Variants in CDH23 observed in about 807,000 individuals in gnomAD.
CDH23 encodes cadherin related 23, also known as cadherin-23.
CDH23 carries 189 observed loss-of-function variants against 317.1 expected under a neutral mutation model. The observed-to-expected ratio is 0.60, with a 90% CI of 0.53 to 0.67. The LOEUF is 0.67. Ranked by LOEUF, CDH23 falls within the 30% of genes least tolerant of loss-of-function variation. CDH23 has a pLI of 0.00. For synonymous variants in CDH23, 1,839 were observed against 1,876.8 expected, an observed-to-expected ratio of 0.98 and a Z score of 0.52; for missense variants, 4,401 against 4,592.4, an observed-to-expected ratio of 0.96 and a Z score of 1.20.
At chr10:71,495,831 A>AGGAAGGAAGGAAGGAAGGAAGGAAG (rs1564615558) in intron 3 of CDH23, among the ~76,000 whole-genome samples, 2 of 148,434 alleles carry the variant, frequency 1.3e-5, no homozygotes, top group African/African-American at 5.2e-5. Flanking sequence ...AAAGAAAGAA[A>AGGAAGGAAGGAAGGAAGGAAGGAAG]GAAAGAAAGA....
At chr10:71,686,905 C>T (rs909746203) in intron 18 of CDH23, among the ~76,000 whole-genome samples, 3 of 152,238 alleles carry the variant, frequency 2.0e-5, no homozygotes, top group African/African-American at 2.4e-5. Flanking sequence ...GGAAGGGCCG[C>T]GGTGTGAAGG....
intron 3 of CDH23, among the ~76,000 whole-genome samples, chr10:71,487,632 G>A (rs1285902650): frequency 6.6e-6 from 1 of 152,108 alleles, no homozygotes; most frequent in Non-Finnish European, 1.5e-5. Context: ...TAAATCATTT[G>A]GTGGGGTGGG....
rs903624225 is a variant in CDH23, at chr10:71,645,732, C to T, written c.1141-99C>T. On this transcript the variant is annotated intron_variant, in intron 12 of 69. Coordinates refer to ENST00000224721, the MANE Select transcript of CDH23 (RefSeq NM_022124.6). The stretch of plus-strand genomic sequence containing the variant: ...TCATCCATTGCCCCAACCAAAGCAG[C>T]TCTGGGCTCACTCTCCAGGAGCCTC... 5.0e-6 allele frequency: 7 copies of T among 1,393,882 alleles called. No homozygotes were observed. The African/African-American group carries it at 9.9e-5, about 20-fold the overall frequency. 86.3% of individuals were successfully genotyped at this position (1,393,882 alleles called of 1,614,324 possible).
intron 3 of CDH23, among the ~76,000 whole-genome samples, chr10:71,466,681 G>T (rs535946530): frequency 5.7e-4 from 87 of 152,178 alleles, no homozygotes; most frequent in Non-Finnish European, 1.1e-3. Flanking sequence ...GTGCGTCCTT[G>T]TCCACATTTG....
At chr10:71,669,581 T>G (rs142103648) in intron 14 of CDH23, among the ~76,000 whole-genome samples, 2,464 of 152,082 alleles carry the variant, frequency 0.016, 71 homozygotes, top group African/African-American at 0.057. Context: ...CTGAGTAGCT[T>G]GGATTACAGG....
At chr10:71,535,374 T>A (rs1855641239) in intron 6 of CDH23, among the ~76,000 whole-genome samples, 1 of 152,184 alleles carries the variant, frequency 6.6e-6, no homozygotes, top group African/African-American at 2.4e-5. Flanking sequence ...TCCCAGCCCG[T>A]TCCGGTGGTG....
chr10:71,601,560 C>A (rs1277474983), intron 9 of CDH23, among the ~76,000 whole-genome samples: 4 of 152,188 alleles, frequency 2.6e-5, no homozygotes, highest in African/African-American at 7.2e-5. Context: ...TCAAAAAGAT[C>A]AGATCTCCCA....
chr10:71,535,971 G>A lies in CDH23; in HGVS notation c.429+24759G>A, dbSNP rs530981102. On this transcript the variant is annotated intron_variant, in intron 6 of 69. Coordinates refer to ENST00000224721, the MANE Select transcript of CDH23 (RefSeq NM_022124.6). ...GGAAATGGCCAAGGAAAGGACACAC[G>A]CTCTCGGCAGAAGTCCTCGATCTCC... is the stretch of plus-strand genomic sequence containing the variant. 2.0e-4 allele frequency among the ~76,000 whole-genome samples: 31 copies of A among 152,372 alleles called. 1 individual carries two copies. Among genetic ancestry groups the A allele is most frequent in the Middle Eastern group, 3.4e-3 (1 of 294 alleles).
At chr10:71,766,207 G>A (rs995247392) in intron 38 of CDH23, among the ~76,000 whole-genome samples, 1 of 152,220 alleles carries the variant, frequency 6.6e-6, no homozygotes, top group African/African-American at 2.4e-5. Context: ...GGTCATTGTC[G>A]GAGACCGGGA....
chr10:71,656,016 G>T (rs904554123), intron 14 of CDH23, among the ~76,000 whole-genome samples: 9 of 152,108 alleles, frequency 5.9e-5, no homozygotes, highest in Admixed American at 5.9e-4. Flanking sequence ...GTGTGACCCT[G>T]TCCCATTCTC....
intron 55 of CDH23, 52 bp downstream of exon 55, chr10:71,803,472 G>A: frequency 1.3e-6 from 2 of 1,502,836 alleles, no homozygotes; most frequent in South Asian, 2.4e-5. Context: ...TCTTCCAGCT[G>A]TGGCCTAGAA....
intron 6 of CDH23, among the ~76,000 whole-genome samples, chr10:71,522,114 A>G (rs988072620): frequency 3.6e-5 from 5 of 139,010 alleles, no homozygotes; most frequent in Admixed American, 2.1e-4. Flanking sequence ...GGTGGCCCCC[A>G]CAAGCTTACA....
chr10:71,572,463 G>A (rs12049713), intron 8 of CDH23, among the ~76,000 whole-genome samples: 16,997 of 152,216 alleles, frequency 0.11, 1,134 homozygotes, highest in East Asian at 0.27. Flanking sequence ...GACTGGAAGC[G>A]TGCAGTTCAG....
intron 41 of CDH23, among the ~76,000 whole-genome samples, chr10:71,782,453 C>A (rs9415048): frequency 6.6e-6 from 1 of 152,144 alleles, no homozygotes. Flanking sequence ...TTAACATGCC[C>A]AAGGGCACAC....
In CDH23 at chr10:71,790,394, T is replaced by C. The variant is rs994923208; in HGVS notation, c.6030T>C (p.Phe2010=). The C allele has an allele frequency of 1.2e-6, 2 of 1,613,362 alleles. No homozygotes were observed. The highest frequency in any genetic ancestry group is 1.7e-6 in the Non-Finnish European group (2 of 1,179,766). The change falls in exon 46 of 70, where the codon TTT becomes TTC. Residue 2010 remains phenylalanine (F), a synonymous_variant. Coordinates refer to ENST00000224721, the MANE Select transcript of CDH23 (RefSeq NM_022124.6). ...TGCTGGGTGCCCAGAGTGGCCTCTT[T>C]GACATCAACAGCAGCACCGGTGAGG... The part of the protein sequence containing the change: ...YQLLGAQSGL[F]DINSSTGVVT...
At chr10:71,676,492 T>C (rs892589610) in intron 15 of CDH23, among the ~76,000 whole-genome samples, 2 of 152,044 alleles carry the variant, frequency 1.3e-5, no homozygotes, top group African/African-American at 2.4e-5. Flanking sequence ...CCGGGCGTGG[T>C]GGCAGGCGCC....
At chr10:71,527,571 G>A (rs1170027401) in intron 6 of CDH23, among the ~76,000 whole-genome samples, 2 of 152,150 alleles carry the variant, frequency 1.3e-5, no homozygotes, top group African/African-American at 4.8e-5. Flanking sequence ...GCTTGGTTTT[G>A]TCTCCCTGTG....
rs549829053 is a variant in CDH23 at position 71,402,192 on chromosome 10, A to G, written c.-6+4874A>G. ...CGATAATAAATGTTGGCATAGCTCA[A>G]TGTATTGGTGAGGGGAATGGGAATA... is the stretch of plus-strand genomic sequence containing the variant. On this transcript the variant is annotated intron_variant, in intron 1 of 69. Transcript: ENST00000224721. 5.9e-5 allele frequency among the ~76,000 whole-genome samples: 9 copies of G among 152,268 alleles called. No homozygotes were observed. In the East Asian group the frequency reaches 1.4e-3, roughly 23 times the overall value.
In CDH23 at chr10:71,738,586, C is replaced by G; in HGVS notation, c.4298C>G (p.Pro1433Arg). ...DSAVSIPEDC[P>R]VGQRVATVKA... ...GCGGTCAGCATACCCGAGGACTGCC[C>G]TGTGGGCCAGCGAGTGGCTACTGTC... The change falls in exon 35 of 70, where the codon CCT becomes CGT. Residue 1433 changes from proline (P) to arginine (R), a missense_variant. Pro to Arg is a moderately radical substitution (Grantham distance 103). This residue lies in a region of CDH23 where 3,068 missense variants were observed against 3,203.3 expected (regional missense o/e 0.96). Transcript: ENST00000224721. 1 of 1,613,880 alleles carries G rather than the reference C, an allele frequency of 6.2e-7. No homozygotes were observed. Among genetic ancestry groups the G allele is most frequent in the South Asian group, 1.1e-5 (1 of 91,088 alleles).
Sources: allele counts gnomAD v4.1 joint callset (sites outside exome capture counted in the v4.1 genomes callset), GRCh38; gene constraint gnomAD v4.1.1; regional missense constraint gnomAD v4.1.1; transcripts MANE v1.5; gene names NCBI Gene and HGNC (gene_info 2026-07-23, HGNC 2026-07-21).